The following MKLN1 variants were observed in gnomAD, a reference collection of about 807,000 sequenced individuals.
MKLN1 encodes muskelin 1.
Under a neutral mutation model 99.0 loss-of-function variants are expected in MKLN1, and 18 were observed. The ratio of observed to expected loss-of-function variants is 0.18; its 90% CI spans 0.13 to 0.27. MKLN1 has a LOEUF of 0.27. MKLN1 is among the 10% of genes least tolerant of loss of function. The pLI is 1.00. For synonymous variants in MKLN1, 288 were observed against 293.2 expected (o/e 0.98, Z 0.18); for missense variants, 621 against 875.9 (o/e 0.71, Z 3.67).
At chr7:131,283,077 C>T (rs1044412818) in intron 3 of MKLN1, among the ~76,000 whole-genome samples, 18 of 152,154 alleles carry the variant, frequency 1.2e-4, no homozygotes, top group African/African-American at 4.1e-4. Flanking sequence ...AATCTGCATA[C>T]GTTACTGAGA....
intron 3 of MKLN1, among the ~76,000 whole-genome samples, chr7:131,248,175 C>T (rs1797523848): frequency 6.6e-6 from 1 of 152,058 alleles, no homozygotes; most frequent in Admixed American, 6.5e-5. Context: ...ATCTGCCTCC[C>T]TCGGCCTCCC....
chr7:131,328,271 G>C, intron 1 of MKLN1: 1 of 444,608 alleles, frequency 2.2e-6, no homozygotes, highest in South Asian at 3.0e-5. Context: ...GCGGTTCTGC[G>C]CTTGGGATTT....
At chr7:131,331,898 T>C (rs1016922120) in intron 1 of MKLN1, among the ~76,000 whole-genome samples, 5 of 152,182 alleles carry the variant, frequency 3.3e-5, no homozygotes, top group African/African-American at 1.2e-4. Flanking sequence ...ATGATTCTTA[T>C]CTTGTTTACA....
intron 1 of MKLN1, among the ~76,000 whole-genome samples, chr7:131,353,026 ACAT>A (rs1466927705): frequency 6.6e-6 from 1 of 152,170 alleles, no homozygotes; most frequent in Admixed American, 6.6e-5. Flanking sequence ...CAGTTGATGA[ACAT>A]CTAGATTGTT....
rs367696063 is a variant in MKLN1 at position 131,337,769 on chromosome 7, T to G, written c.98+9772T>G. Among the ~76,000 whole-genome samples the G allele has an allele frequency of 1.7e-4, 25 of 150,652 alleles. No homozygotes were observed. The East Asian group carries it at 4.9e-3, about 29-fold the overall frequency. On this transcript the variant is annotated intron_variant, in intron 1 of 17. Coordinates refer to ENST00000352689, the MANE Select transcript of MKLN1 (RefSeq NM_013255.5). ...TATATTAATGTATGTTAATTATATA[T>G]TCTATTGTATATTATATAAATTATT...
At chr7:131,318,026 A>G (rs1036921663) in intron 3 of MKLN1, among the ~76,000 whole-genome samples, 3 of 152,114 alleles carry the variant, frequency 2.0e-5, no homozygotes, top group African/African-American at 7.2e-5. Flanking sequence ...CTTTAACACC[A>G]CACTGTCAAT....
intron 2 of MKLN1, among the ~76,000 whole-genome samples, chr7:131,378,836 G>GA (rs1179723602): frequency 1.3e-5 from 2 of 149,220 alleles, no homozygotes; most frequent in African/African-American, 2.5e-5. Flanking sequence ...TCTCAAAAAA[G>GA]AAAAAATACA....
In MKLN1 at chr7:131,235,150, G is replaced by T. The variant is rs182853497; in HGVS notation, c.-179+32176G>T. ...GGATCAGTTGATACAAAAAGACGTA[G>T]CTAGAAAGTCAATCTCAATCATTCT... is the stretch of plus-strand genomic sequence containing the variant. On this transcript the variant is annotated intron_variant, in intron 3 of 7. Transcript: ENST00000416992. 5.4e-3 allele frequency among the ~76,000 whole-genome samples: 818 copies of T among 152,128 alleles called. 5 individuals are homozygous for T. The highest frequency in any genetic ancestry group is 0.019 in the African/African-American group (774 of 41,518).
In MKLN1 at chr7:131,466,307, A is replaced by G; in HGVS notation, c.1820A>G (p.Lys607Arg). The change falls in exon 15 of 18, where the codon AAA becomes AGA. Residue 607 changes from lysine (K) to arginine (R), a missense_variant. Coordinates refer to ENST00000352689, the MANE Select transcript of MKLN1 (RefSeq NM_013255.5). ...VHYLFGGNPGKSCSPKMRLDD... is the reference protein window; with the variant it reads ...VHYLFGGNPGRSCSPKMRLDD... ...TACTTATTTGGTGGGAATCCAGGAA[A>G]ATCTTGCTCTCCAAAGATGAGATTA... The G allele has an allele frequency of 6.2e-7, 1 of 1,603,570 alleles. No individual in the cohort carries two copies. Among genetic ancestry groups the G allele is most frequent in the Non-Finnish European group, 8.5e-7 (1 of 1,173,562 alleles).
At chr7:131,177,404 G>A (rs1796314791) in intron 2 of MKLN1, among the ~76,000 whole-genome samples, 1 of 151,348 alleles carries the variant, frequency 6.6e-6, no homozygotes. Context: ...GGATTGCGGA[G>A]GTTGCAGTGA....
At chr7:131,374,527 T>C (rs1793576861) in intron 1 of MKLN1, among the ~76,000 whole-genome samples, 1 of 152,124 alleles carries the variant, frequency 6.6e-6, no homozygotes, top group Non-Finnish European at 1.5e-5. Flanking sequence ...GGCTCCCACA[T>C]TTACCAGCCA....
chr7:131,278,472 A>G (rs1295620435), intron 3 of MKLN1, among the ~76,000 whole-genome samples: 1 of 152,170 alleles, frequency 6.6e-6, no homozygotes, highest in African/African-American at 2.4e-5. Context: ...AGCTTTGAAG[A>G]TGGGACCCAG....
chr7:131,327,776 C>T (rs905884225), upstream of MKLN1: 16 of 1,433,180 alleles, frequency 1.1e-5, no homozygotes, highest in Middle Eastern at 7.6e-4. Flanking sequence ...GCTCGGGTAA[C>T]GATGCGGGGC....
chr7:131,375,234 C>T (rs1440954112), intron 1 of MKLN1, among the ~76,000 whole-genome samples, 190 bp from the exon 2 acceptor site: 3 of 151,870 alleles, frequency 2.0e-5, no homozygotes, highest in African/African-American at 7.3e-5. Flanking sequence ...TTGAAAATAC[C>T]ACCTTTGTCA....
In MKLN1 at chr7:131,494,681, A is replaced by G. The variant is rs1797510079; in HGVS notation, c.*6953A>G. On this transcript the variant is annotated 3_prime_UTR_variant, in exon 18 of 18. Coordinates refer to ENST00000352689, the MANE Select transcript of MKLN1 (RefSeq NM_013255.5). ...TTACAAATCATCCGTTCAGAAAAAT[A>G]AAAGTGGACTTCCTTTCCTAAGCAT... 1 of 152,206 alleles carries G rather than the reference A, an allele frequency of 6.6e-6. No individual in the cohort carries two copies. Among genetic ancestry groups the G allele is most frequent in the African/African-American group, 2.4e-5 (1 of 41,462 alleles). 9.4% of individuals were successfully genotyped at this position (152,206 alleles called of 1,614,324 possible). A position where few individuals can be genotyped will look rare whatever the true frequency, so the allele number is the denominator to read the frequency against.
chr7:131,380,564 G>A (rs1563320396), intron 2 of MKLN1, among the ~76,000 whole-genome samples: 1 of 152,138 alleles, frequency 6.6e-6, no homozygotes, highest in Non-Finnish European at 1.5e-5. Flanking sequence ...ATTATAGGCA[G>A]GTATTGCTAA....
intron 3 of MKLN1, among the ~76,000 whole-genome samples, chr7:131,284,099 C>T (rs969291067): frequency 3.9e-5 from 6 of 152,074 alleles, no homozygotes; most frequent in African/African-American, 7.2e-5. Flanking sequence ...CCCTGGTGTA[C>T]GTCTCCTTGA....
At chr7:131,482,361 A>T (rs549581199) in intron 17 of MKLN1, among the ~76,000 whole-genome samples, 19 of 151,292 alleles carry the variant, frequency 1.3e-4, no homozygotes, top group South Asian at 8.4e-4. Flanking sequence ...TGCTGAGCTA[A>T]TTTTTTTTTC....
chr7:131,421,961 G>A (rs1193729550), intron 8 of MKLN1, among the ~76,000 whole-genome samples: 1 of 152,116 alleles, frequency 6.6e-6, no homozygotes, highest in Non-Finnish European at 1.5e-5. Context: ...ATACTAAAGT[G>A]CATATAAGAA....
Sources: gnomAD v4.1 joint callset for allele counts (sites outside exome capture counted in the v4.1 genomes callset) on GRCh38, gnomAD v4.1.1 for gene constraint, MANE v1.5 for transcripts, NCBI Gene and HGNC (gene_info 2026-07-23, HGNC 2026-07-21) for gene names.